Variants in EXT2 observed in about 807,000 individuals in gnomAD.
EXT2 encodes exostosin-2.
A neutral mutation model predicts 81.6 loss-of-function variants in EXT2; 53 were observed. The observed-to-expected ratio is 0.65, with a 90% CI of 0.52 to 0.82. The LOEUF (loss-of-function observed/expected upper bound fraction) is 0.82. Among genes scored for constraint, EXT2 ranks in the 40% least tolerant of loss-of-function variants. The probability of loss-of-function intolerance (pLI) is 0.00; values close to 1 mark genes in which losing one functional copy is unlikely to be tolerated. For missense variants in EXT2, 774 were observed against 910.2 expected, an observed-to-expected ratio of 0.85 and a Z score of 1.93; for synonymous variants, 320 against 340.0, an observed-to-expected ratio of 0.94 and a Z score of 0.65.
chr11:44,197,721 TC>T, intron 8 of EXT2, 107 bp from the exon 9 acceptor site: 1 of 1,119,518 alleles, frequency 8.9e-7, no homozygotes, highest in Admixed American at 1.7e-5. Context: ...CTGGGATCTG[TC>T]CTGGTAAAAG....
chr11:44,244,003 C>T (rs540605878), intron 13 of EXT2, 146 bp from the exon 14 acceptor site: 3 of 775,058 alleles, frequency 3.9e-6, no homozygotes, highest in Non-Finnish European at 6.8e-6. Context: ...CAGACTGTGG[C>T]TACTTGAGCT....
At chr11:44,240,635 A>G (rs1459066859) in intron 13 of EXT2, among the ~76,000 whole-genome samples, 1 of 152,234 alleles carries the variant, frequency 6.6e-6, no homozygotes, top group Admixed American at 6.5e-5. Flanking sequence ...GTCGACAGTG[A>G]GGAAGTAGAG....
chr11:44,194,149 T>A (rs917642916), intron 8 of EXT2, among the ~76,000 whole-genome samples: 1 of 152,222 alleles, frequency 6.6e-6, no homozygotes, highest in Non-Finnish European at 1.5e-5. Context: ...GACATTTAAG[T>A]GTGTTGGCAT....
At chr11:44,222,791 C>G (rs1955795985) in intron 10 of EXT2, among the ~76,000 whole-genome samples, 1 of 150,038 alleles carries the variant, frequency 6.7e-6, no homozygotes, top group African/African-American at 2.5e-5. Context: ...GAGACCTCAT[C>G]AAAATGTAAA....
chr11:44,170,888 G>T (rs1224082793), intron 7 of EXT2, among the ~76,000 whole-genome samples: 1 of 150,486 alleles, frequency 6.6e-6, no homozygotes, highest in Non-Finnish European at 1.5e-5. Context: ...TTGCCCAGAT[G>T]GCTTCTTTGA....
chr11:44,200,534 C>A (rs1386633435), intron 9 of EXT2, among the ~76,000 whole-genome samples: 1 of 152,152 alleles, frequency 6.6e-6, no homozygotes, highest in African/African-American at 2.4e-5. Context: ...AGGAGCCCCC[C>A]AGCTTCAGAC....
Position 44,244,435 on chromosome 11 carries a change from A to G in EXT2, c.*148A>G. 2.7e-6 allele frequency: 2 copies of G among 742,902 alleles called. No homozygotes were observed. The highest frequency in any genetic ancestry group is 4.6e-6 in the Non-Finnish European group (2 of 435,910). The allele number at this position is 742,902 out of a possible 1,614,324, so 46.0% of individuals were successfully genotyped here. ...ATGCACCCACCTAACCCACTTTCTC[A>G]AGAACAAGAACCTAGAATGAATATC... On this transcript the variant is annotated 3_prime_UTR_variant, in exon 14 of 14. Coordinates refer to ENST00000533608, the MANE Select transcript of EXT2 (RefSeq NM_207122.2).
intron 3 of EXT2, among the ~76,000 whole-genome samples, chr11:44,111,755 C>G (rs1339047340): frequency 6.6e-6 from 1 of 152,218 alleles, no homozygotes; most frequent in African/African-American, 2.4e-5. Flanking sequence ...CATCCTTACT[C>G]TCATCTACCT....
intron 8 of EXT2, among the ~76,000 whole-genome samples, chr11:44,185,342 A>G (rs1022744572): frequency 2.1e-4 from 32 of 152,148 alleles, no homozygotes; most frequent in Non-Finnish European, 2.9e-5. Context: ...TATCTTTTCC[A>G]GTGACCTCAG....
At chr11:44,135,098 A>G (rs545314229) in intron 7 of EXT2, among the ~76,000 whole-genome samples, 112 of 152,342 alleles carry the variant, frequency 7.4e-4, no homozygotes, top group African/African-American at 2.7e-3. Flanking sequence ...TTAAGAAAAT[A>G]AAACCTCTAG....
intron 7 of EXT2, among the ~76,000 whole-genome samples, chr11:44,149,899 T>G (rs1289890779): frequency 2.0e-5 from 3 of 152,170 alleles, no homozygotes; most frequent in African/African-American, 4.8e-5. Context: ...TGACTCATAG[T>G]TTTGGATGTA....
intron 13 of EXT2, among the ~76,000 whole-genome samples, chr11:44,236,993 T>C (rs1444300516): frequency 6.6e-6 from 1 of 152,234 alleles, no homozygotes; most frequent in Non-Finnish European, 1.5e-5. Flanking sequence ...CCGTTAAGAC[T>C]ATACTAGACC....
chr11:44,244,326 C>T lies in EXT2; in HGVS notation c.*39C>T, dbSNP rs774218901. The T allele has an allele frequency of 2.5e-6, 4 of 1,612,230 alleles. No individual in the cohort carries two copies. In the Admixed American group the frequency reaches 6.7e-5, roughly 27 times the overall value. On this transcript the variant is annotated 3_prime_UTR_variant, in exon 14 of 14. Transcript: ENST00000533608. ...TGGAGGTCTGAATGTGAGGCTGGGA[C>T]AGAGGGAGAGAACAAGGCCTCCCAG...
chr11:44,190,322 A>G (rs993902948), intron 8 of EXT2, among the ~76,000 whole-genome samples: 3 of 152,196 alleles, frequency 2.0e-5, no homozygotes, highest in East Asian at 1.9e-4. Flanking sequence ...CTGGTAATTC[A>G]TAATTGAAAC....
At chr11:44,194,815 C>G (rs2135178234) in intron 8 of EXT2, among the ~76,000 whole-genome samples, 1 of 152,048 alleles carries the variant, frequency 6.6e-6, no homozygotes, top group East Asian at 1.9e-4. Context: ...GTTTCTTTTC[C>G]ACTTAAAATG....
intron 7 of EXT2, among the ~76,000 whole-genome samples, chr11:44,151,759 A>T (rs960196663): frequency 2.6e-5 from 4 of 152,174 alleles, no homozygotes; most frequent in African/African-American, 9.7e-5. Context: ...CTTGCATGGC[A>T]AGAATACGTT....
At chr11:44,226,231 GC>G (rs1344847267) in intron 10 of EXT2, among the ~76,000 whole-genome samples, 1 of 152,194 alleles carries the variant, frequency 6.6e-6, no homozygotes, top group Non-Finnish European at 1.5e-5. Flanking sequence ...CCAGAAGCCT[GC>G]CCATGTAATT....
chr11:44,117,222 G>A (rs997104555), intron 4 of EXT2, among the ~76,000 whole-genome samples: 1 of 152,086 alleles, frequency 6.6e-6, no homozygotes, highest in African/African-American at 2.4e-5. Flanking sequence ...ACCCACCTTG[G>A]CCTCCCAAAG....
At chr11:44,123,816 C>T (rs1231242936) in intron 4 of EXT2, among the ~76,000 whole-genome samples, 2 of 151,990 alleles carry the variant, frequency 1.3e-5, no homozygotes, top group African/African-American at 4.8e-5. Flanking sequence ...GGAATTACTT[C>T]CCATCTGGTC....
Sources: gnomAD v4.1 joint callset for allele counts (sites outside exome capture counted in the v4.1 genomes callset) on GRCh38, gnomAD v4.1.1 for gene constraint, MANE v1.5 for transcripts, NCBI Gene and HGNC (gene_info 2026-07-23, HGNC 2026-07-21) for gene names.